The following TERT variants were observed in gnomAD, a reference collection of about 807,000 sequenced individuals.
TERT encodes the protein telomerase catalytic subunit.
TERT carries 42 observed loss-of-function variants against 104.0 expected under a neutral mutation model. The observed-to-expected ratio is 0.40, with a 90% CI of 0.32 to 0.52. TERT has a LOEUF of 0.52. TERT is among the 20% of genes least tolerant of loss of function. TERT has a pLI of 0.43. For synonymous variants in TERT, 781 were observed against 725.6 expected (o/e 1.08, Z -1.23); for missense variants, 1,101 against 1,610.3 (o/e 0.68, Z 5.41).
intron 6 of TERT, among the ~76,000 whole-genome samples, chr5:1,277,187 C>T (rs1236077434): frequency 1.3e-5 from 2 of 152,186 alleles, no homozygotes; most frequent in African/African-American, 4.8e-5. Flanking sequence ...CCGGAGGCAT[C>T]GCCCTCACAA....
rs905361115 is a variant in TERT at position 1,286,327 on chromosome 5, G to A, written c.1574-3703C>T. 1.3e-5 allele frequency among the ~76,000 whole-genome samples: 2 copies of A among 152,198 alleles called. No individual in the cohort carries two copies. The highest frequency in any genetic ancestry group is 2.9e-5 in the Non-Finnish European group (2 of 68,038). ...GAACCACGCAAAGGACAAGGAAGGG[G>A]ACCCCAGACGGCGGGCCTGAGACAG... On this transcript the variant is annotated intron_variant, in intron 2 of 15. Transcript: ENST00000310581. This position sits in a 1 kb window ranked among gnomAD's most constrained non-coding sequence, Gnocchi z 5.3.
In TERT at chr5:1,265,552, C is replaced by T. The variant is rs1158144302; in HGVS notation, c.2654+912G>A. Among the ~76,000 whole-genome samples the T allele has an allele frequency of 1.3e-5, 2 of 152,054 alleles. No homozygotes were observed. The highest frequency in any genetic ancestry group is 1.9e-4 in the East Asian group (1 of 5,166). Reference sequence around the variant, plus strand: ...AGTTGCTTGGGACCTGGGCTCCCCCCGAGTGAATCTTAGTGGATTTAAATG... The same window carrying T: ...AGTTGCTTGGGACCTGGGCTCCCCCTGAGTGAATCTTAGTGGATTTAAATG... On this transcript the variant is annotated intron_variant, in intron 10 of 15. Transcript: ENST00000310581. This position sits in a 1 kb window ranked among gnomAD's most constrained non-coding sequence, Gnocchi z 6.9.
intron 2 of TERT, among the ~76,000 whole-genome samples, chr5:1,290,330 G>A (rs866330851): frequency 1.0e-3 from 52 of 50,644 alleles, no homozygotes; most frequent in Non-Finnish European, 1.1e-3. Flanking sequence ...CACGTGACAG[G>A]GACACCCGGG....
At position 1,260,536 on chromosome 5, in the gene TERT, T is replaced by C. The variant is rs762647113; in HGVS notation, c.2908A>G (p.Met970Val). 2 of 1,614,184 alleles carry C rather than the reference T, an allele frequency of 1.2e-6. No homozygotes were observed. Among genetic ancestry groups the C allele is most frequent in the Non-Finnish European group, 1.7e-6 (2 of 1,180,022 alleles). The change falls in exon 12 of 16, where the codon ATG becomes GTG. Residue 970 changes from methionine to valine, a missense_variant. Physicochemically the swap from Met to Val is conservative, Grantham distance 21. Coordinates refer to ENST00000310581, the MANE Select transcript of TERT (RefSeq NM_198253.3). ...FNRGFKAGRN[M>V]RRKLFGVLRL... Reference sequence around the variant, plus strand: ...AAGACCCCAAAGAGTTTGCGACGCATGTTCCTCCCAGCCTTGAAGCCGCGG... The same window carrying C: ...AAGACCCCAAAGAGTTTGCGACGCACGTTCCTCCCAGCCTTGAAGCCGCGG...
chr5:1,260,731 C>A, intron 11 of TERT, 131 bp from the exon 12 acceptor site: 2 of 1,341,336 alleles, frequency 1.5e-6, no homozygotes, highest in Non-Finnish European at 2.1e-6. Context: ...CGCTGCAGCC[C>A]GAGGGGGCTG....
chr5:1,271,510 G>A lies in TERT; in HGVS notation c.2383-306C>T, dbSNP rs551500177. ...ATCCAGGAGTTGCTGCCCAGCTGCC[G>A]GGCACAGGGTCTGGGTCCCAGCAGC... is the stretch of plus-strand genomic sequence containing the variant. On this transcript the variant is annotated intron_variant, in intron 7 of 15. Transcript: ENST00000310581. 1.2e-4 allele frequency among the ~76,000 whole-genome samples: 18 copies of A among 152,240 alleles called. No individual in the cohort carries two copies. The South Asian group carries it at 2.5e-3, about 21-fold the overall frequency.
At chr5:1,260,959 G>A (rs1176016219) in intron 11 of TERT, among the ~76,000 whole-genome samples, 1 of 152,246 alleles carries the variant, frequency 6.6e-6, no homozygotes, top group African/African-American at 2.4e-5. Context: ...AGTGAACACA[G>A]GTGTGACTCA....
chr5:1,293,017 C>T (rs890007899), intron 2 of TERT, among the ~76,000 whole-genome samples: 3 of 152,234 alleles, frequency 2.0e-5, no homozygotes, highest in Non-Finnish European at 2.9e-5. Context: ...TCCCCATTGC[C>T]GGCAACCCGG....
At chr5:1,259,559 G>GA (rs1748042750) in intron 12 of TERT, among the ~76,000 whole-genome samples, 1 of 133,042 alleles carries the variant, frequency 7.5e-6, no homozygotes, top group Admixed American at 7.4e-5. Flanking sequence ...CCACAGGAGA[G>GA]GGAGTGGACG....
chr5:1,255,478 A>G lies in TERT; in HGVS notation c.3033-67T>C. 1.9e-6 allele frequency: 3 copies of G among 1,606,286 alleles called. No homozygotes were observed. The highest frequency in any genetic ancestry group is 2.2e-5 in the South Asian group (2 of 90,660). On this transcript the variant is annotated intron_variant, in intron 13 of 15. Transcript: ENST00000310581. This position sits in a 1 kb window ranked among gnomAD's most constrained non-coding sequence, Gnocchi z 6.9. ...TCAGACGGTGCTCGTGGGTGTGGGC[A>G]TGGGCCCACCGGTGCCTGTGTGCGT...
chr5:1,266,357 G>T (rs1342011328), intron 10 of TERT, 107 bp downstream of exon 10: 3 of 1,030,576 alleles, frequency 2.9e-6, no homozygotes, highest in African/African-American at 3.2e-5. Context: ...CAGAGAGAGA[G>T]GACTTGGCAG....
chr5:1,285,002 G>C (rs1377648619), intron 2 of TERT, among the ~76,000 whole-genome samples: 6 of 131,256 alleles, frequency 4.6e-5, no homozygotes, highest in African/African-American at 1.9e-4. Context: ...AGGGCCTGGC[G>C]ACCTCACCCC....
At chr5:1,273,925 C>T (rs1441340954) in intron 6 of TERT, among the ~76,000 whole-genome samples, 1 of 152,228 alleles carries the variant, frequency 6.6e-6, no homozygotes, top group East Asian at 1.9e-4. Flanking sequence ...CAGGTGCAGC[C>T]ACAGCACAGG....
In TERT at chr5:1,261,093, T is replaced by C. The variant is rs192724625; in HGVS notation, c.2844-493A>G. ...CAGTGAGTGCACGTGGCACACATGG[T>C]GTCTCCAGAGGGGCAGGATGGAGGC... On this transcript the variant is annotated intron_variant, in intron 11 of 15. Coordinates refer to ENST00000310581, the MANE Select transcript of TERT (RefSeq NM_198253.3). The surrounding 1 kb of genome is among the most constrained non-coding windows in gnomAD (Gnocchi z 7.4). Among the ~76,000 whole-genome samples, 512 of 152,236 alleles carry C rather than the reference T, an allele frequency of 3.4e-3. 2 individuals are homozygous for C. The highest frequency in any genetic ancestry group is 0.012 in the African/African-American group (488 of 41,544).
intron 3 of TERT, 136 bp downstream of exon 3, chr5:1,282,293 T>C (rs561334177): frequency 3.7e-4 from 321 of 874,948 alleles, no homozygotes; most frequent in Non-Finnish European, 5.8e-4. Context: ...GGACCAGGCC[T>C]GTGACGGGGC....
chr5:1,264,041 G>A (rs144708992), intron 11 of TERT, among the ~76,000 whole-genome samples: 1 of 136,948 alleles, frequency 7.3e-6, no homozygotes, highest in Non-Finnish European at 1.5e-5. Flanking sequence ...GGGTTCAGAG[G>A]GACTCATGCC....
chr5:1,265,836 C>G lies in TERT; in HGVS notation c.2654+628G>C, dbSNP rs575521163. Among the ~76,000 whole-genome samples, 35 of 152,304 alleles carry G rather than the reference C, an allele frequency of 2.3e-4. No homozygotes were observed. Among genetic ancestry groups the G allele is most frequent in the African/African-American group, 7.5e-4 (31 of 41,560 alleles). On this transcript the variant is annotated intron_variant, in intron 10 of 15. Transcript: ENST00000310581. This position sits in a 1 kb window ranked among gnomAD's most constrained non-coding sequence, Gnocchi z 6.9. ...AAGCCCACCGGCTCTGTGGGGCGCCCTTGAGGGGGACCACATTGGACAATC... is the reference window on the plus strand; with the variant it reads ...AAGCCCACCGGCTCTGTGGGGCGCCGTTGAGGGGGACCACATTGGACAATC...
rs6863494 is a variant in TERT at position 1,268,891 on chromosome 5, T to C, written c.2469-258A>G. Among the ~76,000 whole-genome samples, 2,344 of 152,012 alleles carry C rather than the reference T, an allele frequency of 0.015. 71 individuals carry two copies. The highest frequency in any genetic ancestry group is 0.054 in the African/African-American group (2,249 of 41,444). On this transcript the variant is annotated intron_variant, in intron 8 of 15. Transcript: ENST00000310581. This position sits in a 1 kb window ranked among gnomAD's most constrained non-coding sequence, Gnocchi z 5.5. ...ACATCCTTGCTCTGAATCATCAAGG[T>C]TTTCTTTCATTAAGGTTTCTTAAAT...
intron 12 of TERT, 126 bp downstream of exon 12, chr5:1,260,348 A>G (rs564555706): frequency 1.9e-4 from 274 of 1,458,112 alleles, no homozygotes; most frequent in Admixed American, 4.9e-4. Context: ...GTATATGCGT[A>G]CATGTGCACT....
Sources: gnomAD v4.1 joint callset for allele counts (sites outside exome capture counted in the v4.1 genomes callset) on GRCh38, gnomAD v4.1.1 for gene constraint, Gnocchi (gnomAD v3.1) non-coding constraint, MANE v1.5 for transcripts, NCBI Gene and HGNC (gene_info 2026-07-23, HGNC 2026-07-21) for gene names.